PTPRD: variants seen among roughly 807,000 people sequenced by gnomAD.
PTPRD encodes the protein receptor-type tyrosine-protein phosphatase delta.
A neutral mutation model predicts 214.5 loss-of-function variants in PTPRD; 34 were observed. The observed-to-expected ratio is 0.16, with a 90% CI of 0.12 to 0.21. The LOEUF (loss-of-function observed/expected upper bound fraction) is 0.21. PTPRD is among the 10% of genes least tolerant of loss of function. The probability of loss-of-function intolerance (pLI) is 1.00; values close to 1 mark genes in which losing one functional copy is unlikely to be tolerated. For synonymous variants in PTPRD, 1,128 were observed against 845.7 expected (o/e 1.33, Z -5.79); for missense variants, 2,545 against 2,398.7 (o/e 1.06, Z -1.27).
At chr9:9,305,721 T>C (rs1430982166) in intron 9 of PTPRD, among the ~76,000 whole-genome samples, 4 of 151,944 alleles carry the variant, frequency 2.6e-5, no homozygotes, top group Admixed American at 2.0e-4. Context: ...TTTTATAAGA[T>C]AAATGAGAGA....
At chr9:8,547,673 T>C (rs2080656528) in intron 14 of PTPRD, among the ~76,000 whole-genome samples, 1 of 151,490 alleles carries the variant, frequency 6.6e-6, no homozygotes, top group Non-Finnish European at 1.5e-5. Flanking sequence ...AGAGTGACTA[T>C]TATTTCTATT....
intron 3 of PTPRD, among the ~76,000 whole-genome samples, chr9:10,092,546 A>C (rs2098442948): frequency 6.6e-6 from 1 of 151,498 alleles, no homozygotes; most frequent in Admixed American, 6.6e-5. Context: ...TAAATTTTGT[A>C]TAAAATATTA....
intron 5 of PTPRD, among the ~76,000 whole-genome samples, chr9:9,833,249 T>G (rs1253618818): frequency 6.6e-6 from 1 of 151,446 alleles, no homozygotes; most frequent in Non-Finnish European, 1.5e-5. Flanking sequence ...AAGGACAGAG[T>G]ACAAAAGAGA....
intron 9 of PTPRD, among the ~76,000 whole-genome samples, chr9:9,218,737 A>C (rs970499632): frequency 2.0e-5 from 3 of 152,096 alleles, no homozygotes; most frequent in Non-Finnish European, 4.4e-5. Context: ...TGTTATCAGC[A>C]TTATTCTTCT....
chr9:9,593,215 T>C lies in PTPRD; in HGVS notation c.-286-18434A>G, dbSNP rs571194185. ...AGTTTTGTTTTTTTTTTGTTTTTGT[T>C]TTTCCCCCCCCTCAAAGAAAAGGGG... On this transcript the variant is annotated intron_variant, in intron 7 of 45. Coordinates refer to ENST00000381196, the MANE Select transcript of PTPRD (RefSeq NM_002839.4). 1.1e-3 allele frequency among the ~76,000 whole-genome samples: 169 copies of C among 151,502 alleles called. 4 individuals are homozygous for C. Among genetic ancestry groups the C allele is most frequent in the Admixed American group, 0.01 (155 of 15,186 alleles).
intron 11 of PTPRD, among the ~76,000 whole-genome samples, chr9:9,012,182 C>A (rs968605479): frequency 1.3e-5 from 2 of 152,138 alleles, no homozygotes; most frequent in African/African-American, 4.8e-5. Context: ...CTTACAGCCA[C>A]AGGAAATGAA....
chr9:10,493,033 A>C (rs1047201607), intron 2 of PTPRD, among the ~76,000 whole-genome samples: 1 of 152,130 alleles, frequency 6.6e-6, no homozygotes, highest in Non-Finnish European at 1.5e-5. Flanking sequence ...TAGGAATACA[A>C]CTTACAAGAG....
intron 5 of PTPRD, among the ~76,000 whole-genome samples, chr9:9,913,537 G>A (rs929513198): frequency 1.2e-4 from 18 of 152,066 alleles, no homozygotes; most frequent in Admixed American, 3.9e-4. Context: ...AAAGGGGAGT[G>A]GAGATGCACC....
chr9:9,678,127 A>G (rs1290084455), intron 7 of PTPRD, among the ~76,000 whole-genome samples: 4 of 152,160 alleles, frequency 2.6e-5, no homozygotes, highest in African/African-American at 9.6e-5. Flanking sequence ...CAATATCGTG[A>G]AAATGGCCAT....
intron 11 of PTPRD, among the ~76,000 whole-genome samples, chr9:8,805,669 C>T (rs1484902358): frequency 6.6e-6 from 1 of 151,298 alleles, no homozygotes; most frequent in Non-Finnish European, 1.5e-5. Flanking sequence ...ATGGCACAAT[C>T]TCGGCTCACA....
At chr9:10,453,665 C>T (rs756461544) in intron 2 of PTPRD, among the ~76,000 whole-genome samples, 8 of 151,602 alleles carry the variant, frequency 5.3e-5, no homozygotes, top group Non-Finnish European at 1.2e-4. Flanking sequence ...TGCAACTTTA[C>T]TGAATTTATT....
At chr9:8,906,886 C>T (rs548620911) in intron 11 of PTPRD, among the ~76,000 whole-genome samples, 2 of 152,204 alleles carry the variant, frequency 1.3e-5, no homozygotes, top group African/African-American at 4.8e-5. Context: ...TGCAAGCTCA[C>T]ACAAAGGCAG....
chr9:10,123,717 A>T (rs1338962559), intron 3 of PTPRD, among the ~76,000 whole-genome samples: 1 of 152,212 alleles, frequency 6.6e-6, no homozygotes, highest in Non-Finnish European at 1.5e-5. Context: ...CATTAGTTCT[A>T]CCTTGGAATA....
intron 12 of PTPRD, among the ~76,000 whole-genome samples, chr9:8,712,296 T>C (rs1359137267): frequency 2.0e-5 from 3 of 152,226 alleles, no homozygotes; most frequent in Non-Finnish European, 4.4e-5. Flanking sequence ...ATTTTCTTGT[T>C]CTGAATGAAA....
rs534273157 is a variant in PTPRD at position 10,200,974 on chromosome 9, G to T, written c.-545+139989C>A. On this transcript the variant is annotated intron_variant, in intron 3 of 45. Coordinates refer to ENST00000381196, the MANE Select transcript of PTPRD (RefSeq NM_002839.4). ...TTGGCACCTAGAAATAAAAGACACA[G>T]CTTATATACTCACACAGCTAACTGG... 3.9e-5 allele frequency among the ~76,000 whole-genome samples: 6 copies of T among 152,084 alleles called. No homozygotes were observed. In the South Asian group the frequency reaches 1.2e-3, roughly 32 times the overall value.
At chr9:8,887,039 A>G (rs1325763158) in intron 11 of PTPRD, among the ~76,000 whole-genome samples, 3 of 152,234 alleles carry the variant, frequency 2.0e-5, no homozygotes, top group Admixed American at 1.3e-4. Flanking sequence ...CCACAAAATC[A>G]TCTTCTGAAG....
At chr9:8,584,022 TGTGTACTTGTA>T (rs2093421562) in intron 14 of PTPRD, among the ~76,000 whole-genome samples, 1 of 152,072 alleles carries the variant, frequency 6.6e-6, no homozygotes, top group Non-Finnish European at 1.5e-5. Context: ...GGTGTGGTGG[TGTGTACTTGTA>T]GTCTCTGCTA....
chr9:8,618,914 GTTTTTTT>G (rs554282961), intron 14 of PTPRD, among the ~76,000 whole-genome samples: 5 of 67,798 alleles, frequency 7.4e-5, no homozygotes, highest in Admixed American at 2.3e-4. Context: ...GTGTTTTTTT[GTTTTTTT>G]TTTTTTTTTT....
intron 21 of PTPRD, among the ~76,000 whole-genome samples, chr9:8,511,902 A>C (rs72694759): frequency 2.0e-3 from 310 of 152,236 alleles, no homozygotes; most frequent in Non-Finnish European, 3.8e-3. Flanking sequence ...AAATATGTGA[A>C]AGCAACTCCA....
Sources: gnomAD v4.1 joint callset for allele counts (sites outside exome capture counted in the v4.1 genomes callset) on GRCh38, gnomAD v4.1.1 for gene constraint, MANE v1.5 for transcripts, NCBI Gene and HGNC (gene_info 2026-07-23, HGNC 2026-07-21) for gene names.